AKAP6: variants seen among roughly 807,000 people sequenced by gnomAD.
AKAP6 encodes the protein A-kinase anchor protein 6.
AKAP6 carries 58 observed loss-of-function variants against 188.5 expected under a neutral mutation model. That is an observed-to-expected ratio of 0.31 (90% CI 0.25 to 0.38). The LOEUF (loss-of-function observed/expected upper bound fraction) is 0.38. Among genes scored for constraint, AKAP6 ranks in the 10% least tolerant of loss-of-function variants. The pLI, the probability that AKAP6 is intolerant of heterozygous loss-of-function variation, is 1.00. For missense variants in AKAP6, 2,710 were observed against 2,740.0 expected (o/e 0.99, Z 0.24); for synonymous variants, 989 against 998.6 (o/e 0.99, Z 0.18).
intron 5 of AKAP6, among the ~76,000 whole-genome samples, chr14:32,584,441 C>T (rs372779579): frequency 6.6e-6 from 1 of 152,156 alleles, no homozygotes; most frequent in African/African-American, 2.4e-5. Flanking sequence ...TTTATATTTT[C>T]AGACCATGGT....
chr14:32,450,655 GTCA>G (rs1296834782), intron 2 of AKAP6, among the ~76,000 whole-genome samples: 1 of 152,132 alleles, frequency 6.6e-6, no homozygotes, highest in Non-Finnish European at 1.5e-5. Flanking sequence ...AGTTTTTGAA[GTCA>G]TCAGTTATAA....
intron 2 of AKAP6, among the ~76,000 whole-genome samples, chr14:32,521,415 C>G (rs1881824907): frequency 6.6e-6 from 1 of 152,184 alleles, no homozygotes; most frequent in African/African-American, 2.4e-5. Context: ...TTGCAGATGA[C>G]ATGATTTTAT....
At chr14:32,821,322 C>G in intron 12 of AKAP6, 80 bp from the exon 13 acceptor site, 2 of 1,473,090 alleles carry the variant, frequency 1.4e-6, no homozygotes, top group Non-Finnish European at 1.8e-6. Flanking sequence ...CCTGAGTCTT[C>G]TGAGAGATTT....
At chr14:32,825,808 C>T (rs1466043098) in intron 13 of AKAP6, among the ~76,000 whole-genome samples, 1 of 152,106 alleles carries the variant, frequency 6.6e-6, no homozygotes, top group Non-Finnish European at 1.5e-5. Context: ...CACCTAAACT[C>T]GTGCTATAGG....
At chr14:32,526,356 C>T (rs1193599707) in intron 2 of AKAP6, among the ~76,000 whole-genome samples, 1 of 152,172 alleles carries the variant, frequency 6.6e-6, no homozygotes, top group Non-Finnish European at 1.5e-5. Flanking sequence ...CTTCAGCCTC[C>T]AGAGTAGCTT....
At chr14:32,414,823 T>C (rs1889605439) in intron 1 of AKAP6, among the ~76,000 whole-genome samples, 1 of 152,190 alleles carries the variant, frequency 6.6e-6, no homozygotes, top group Non-Finnish European at 1.5e-5. Flanking sequence ...TCAGCCTCTA[T>C]TTAGCTTTGC....
At position 32,823,866 on chromosome 14, in the gene AKAP6, G is replaced by T; in HGVS notation, c.6053G>T (p.Cys2018Phe). ...APSMAGKSAG[C>F]CLALEQNGTE... ...AGTATGGCTGGAAAATCTGCTGGTT[G>T]TTGCCTAGCACTTGAACAAAACGGA... Residue 2018 changes from cysteine (C) to phenylalanine (F), a missense_variant, in exon 13 of 14, where the codon TGT becomes TTT. By Grantham distance (205) the Cys-to-Phe change is radical. Coordinates refer to ENST00000280979, the MANE Select transcript of AKAP6 (RefSeq NM_004274.5). 8 of 1,613,716 alleles carry T rather than the reference G, an allele frequency of 5.0e-6. No homozygotes were observed. Among genetic ancestry groups the T allele is most frequent in the Non-Finnish European group, 6.8e-6 (8 of 1,179,928 alleles).
intron 2 of AKAP6, among the ~76,000 whole-genome samples, chr14:32,457,528 A>AT (rs1891185604): frequency 6.6e-6 from 1 of 152,290 alleles, no homozygotes; most frequent in East Asian, 1.9e-4. Flanking sequence ...ACTAAAAAAA[A>AT]ATCTTAACCT....
chr14:32,690,115 A>ACT lies in AKAP6; in HGVS notation c.2880-5874_2880-5873insTC, dbSNP rs1489072031. Among the ~76,000 whole-genome samples, 6 of 150,702 alleles carry ACT rather than the reference A, an allele frequency of 4.0e-5. No homozygotes were observed. In the South Asian group the frequency reaches 1.3e-3, roughly 32 times the overall value. On this transcript the variant is annotated intron_variant, in intron 8 of 13. Coordinates refer to ENST00000280979, the MANE Select transcript of AKAP6 (RefSeq NM_004274.5). ...CACACACACACACACACACACACAC[A>ACT]CACACGATTACTCAGCCTTAAGTAG...
At chr14:32,415,905 A>G (rs555845616) in intron 1 of AKAP6, among the ~76,000 whole-genome samples, 21 of 152,292 alleles carry the variant, frequency 1.4e-4, no homozygotes, top group Middle Eastern at 3.4e-3. Context: ...TGTCGTATGT[A>G]TATACCAGAT....
intron 12 of AKAP6, among the ~76,000 whole-genome samples, chr14:32,818,528 A>C (rs1211787456): frequency 1.3e-5 from 2 of 151,616 alleles, no homozygotes; most frequent in Non-Finnish European, 2.9e-5. Flanking sequence ...TGTAACCGTG[A>C]AATTTTTTTT....
chr14:32,803,570 C>T (rs989263815), intron 12 of AKAP6, among the ~76,000 whole-genome samples: 1 of 152,142 alleles, frequency 6.6e-6, no homozygotes, highest in Non-Finnish European at 1.5e-5. Context: ...TTTCTGACTA[C>T]TCTTATTTTT....
chr14:32,762,231 T>A (rs1466520969), intron 11 of AKAP6, among the ~76,000 whole-genome samples: 1 of 152,174 alleles, frequency 6.6e-6, no homozygotes, highest in Admixed American at 6.6e-5. Context: ...AATTGCATAC[T>A]TTATTCCAGG....
At chr14:32,454,633 T>TTCCC (rs1368851826) in intron 2 of AKAP6, among the ~76,000 whole-genome samples, 1 of 141,468 alleles carries the variant, frequency 7.1e-6, no homozygotes, top group Non-Finnish European at 1.5e-5. Flanking sequence ...CCTTCCTTCC[T>TTCCC]TCCCTCCCTC....
At chr14:32,336,916 T>A (rs1324720711) in intron 1 of AKAP6, among the ~76,000 whole-genome samples, 1 of 152,204 alleles carries the variant, frequency 6.6e-6, no homozygotes, top group Non-Finnish European at 1.5e-5. Flanking sequence ...CCTATTACAT[T>A]AGCATAAAAG....
intron 2 of AKAP6, among the ~76,000 whole-genome samples, chr14:32,481,302 G>GA (rs1879327578): frequency 6.6e-6 from 1 of 152,202 alleles, no homozygotes; most frequent in Non-Finnish European, 1.5e-5. Flanking sequence ...CAATGATCCA[G>GA]AGGCAATCAT....
chr14:32,823,884 A>G lies in AKAP6; in HGVS notation c.6071A>G (p.Gln2024Arg). Residue 2024 changes from glutamine to arginine, a missense_variant, in exon 13 of 14, where the codon CAA becomes CGA. Gln to Arg is a conservative substitution (Grantham distance 43, BLOSUM62 1). This residue lies in a region of AKAP6 where 2,473 missense variants were observed against 2,426.1 expected (regional missense o/e 1.02). Transcript: ENST00000280979. ...KSAGCCLALE[Q>R]NGTEENASIS... ...GCTGGTTGTTGCCTAGCACTTGAAC[A>G]AAACGGAACAGAGGAAAATGCTTCT... is the stretch of plus-strand genomic sequence containing the variant. 3 of 1,613,884 alleles carry G rather than the reference A, an allele frequency of 1.9e-6. No individual in the cohort carries two copies. The highest frequency in any genetic ancestry group is 2.5e-6 in the Non-Finnish European group (3 of 1,179,926).
At chr14:32,502,532 G>A (rs1017787334) in intron 2 of AKAP6, among the ~76,000 whole-genome samples, 13 of 152,142 alleles carry the variant, frequency 8.5e-5, no homozygotes, top group Non-Finnish European at 1.8e-4. Flanking sequence ...CAGTGAAAAC[G>A]CCACCTTTTA....
At chr14:32,726,484 C>A (rs938303764) in intron 9 of AKAP6, among the ~76,000 whole-genome samples, 12 of 152,086 alleles carry the variant, frequency 7.9e-5, no homozygotes, top group East Asian at 1.9e-4. Context: ...TAAAAATGTC[C>A]ATTTTTTGCC....
Sources: allele counts gnomAD v4.1 joint callset (sites outside exome capture counted in the v4.1 genomes callset), GRCh38; gene constraint gnomAD v4.1.1; regional missense constraint gnomAD v4.1.1; transcripts MANE v1.5; gene names NCBI Gene and HGNC (gene_info 2026-07-23, HGNC 2026-07-21).